ANKRD30BL: variants seen among roughly 807,000 people sequenced by gnomAD.
ANKRD30BL encodes the protein ankyrin repeat domain 30B like, also known as putative ankyrin repeat domain-containing protein 30B-like.
Under a neutral mutation model 18.4 loss-of-function variants are expected in ANKRD30BL, and 20 were observed. That is an observed-to-expected ratio of 1.09 (90% confidence interval 0.77 to 1.58). ANKRD30BL has a LOEUF of 1.58. ANKRD30BL is among the 40% of genes most tolerant of loss of function. The probability of loss-of-function intolerance (pLI) is 0.00; values close to 1 mark genes in which losing one functional copy is unlikely to be tolerated. For synonymous variants in ANKRD30BL, 72 were observed against 100.9 expected (o/e 0.71, Z 1.72); for missense variants, 224 against 268.6 (o/e 0.83, Z 1.16).
At chr2:132,159,496 T>C (rs1004513552) in intron 1 of ANKRD30BL, among the ~76,000 whole-genome samples, 1 of 152,156 alleles carries the variant, frequency 6.6e-6, no homozygotes, top group African/African-American at 2.4e-5. Flanking sequence ...TCTGTGTGCA[T>C]AGGTCACTTA....
At chr2:132,214,482 G>A (rs1193088616) in intron 1 of ANKRD30BL, among the ~76,000 whole-genome samples, 1 of 151,378 alleles carries the variant, frequency 6.6e-6, no homozygotes, top group African/African-American at 2.4e-5. Context: ...TGAGGTCTAT[G>A]GTCAAAAAGG....
upstream of ANKRD30BL, among the ~76,000 whole-genome samples, chr2:132,166,150 G>T (rs547039047): frequency 6.6e-6 from 1 of 152,162 alleles, no homozygotes; most frequent in South Asian, 2.1e-4. Context: ...AATCAGTCTT[G>T]CATACTTTCT....
chr2:132,233,311 A>G (rs1474708120), intron 1 of ANKRD30BL, among the ~76,000 whole-genome samples: 1 of 150,070 alleles, frequency 6.7e-6, no homozygotes, highest in Non-Finnish European at 1.5e-5. Context: ...CATCATAATG[A>G]CAGGATCAAA....
intron 1 of ANKRD30BL, among the ~76,000 whole-genome samples, chr2:132,178,968 T>C (rs953578819): frequency 2.0e-5 from 3 of 151,598 alleles, no homozygotes; most frequent in African/African-American, 7.3e-5. Context: ...AGGTAGGAAA[T>C]GTTGAAGATA....
rs545796637 is a variant in ANKRD30BL at position 132,252,952 on chromosome 2, G to A, written n.441+4577C>T. ...TGCCCTCTCTCTCTTCCTCACAGCCGGGAGCCCCCCTTCCCCACGCCACCC... is the reference window on the plus strand; with the variant it reads ...TGCCCTCTCTCTCTTCCTCACAGCCAGGAGCCCCCCTTCCCCACGCCACCC... On this transcript the variant is annotated intron_variant and non_coding_transcript_variant, in intron 1 of 4. Coordinates refer to the ANKRD30BL transcript ENST00000470729. Among the ~76,000 whole-genome samples, 635 of 152,012 alleles carry A rather than the reference G, an allele frequency of 4.2e-3. 3 individuals carry two copies. Among genetic ancestry groups the A allele is most frequent in the African/African-American group, 0.013 (555 of 41,490 alleles).
chr2:132,237,269 G>GAAC (rs1339054353), intron 1 of ANKRD30BL, among the ~76,000 whole-genome samples: 1 of 151,884 alleles, frequency 6.6e-6, no homozygotes, highest in Non-Finnish European at 1.5e-5. Flanking sequence ...AAAACTTAAA[G>GAAC]AATAATAATA....
At chr2:132,169,546 CT>C (rs200308064) in intron 1 of ANKRD30BL, among the ~76,000 whole-genome samples, 1,696 of 149,626 alleles carry the variant, frequency 0.011, 22 homozygotes, top group African/African-American at 0.038. Context: ...ATTCAGGAGG[CT>C]GAGGCAGGAG....
At chr2:132,166,202 T>C (rs1263408792), upstream of ANKRD30BL, among the ~76,000 whole-genome samples, 4 of 152,168 alleles carry the variant, frequency 2.6e-5, no homozygotes, top group Non-Finnish European at 4.4e-5. Context: ...TGTCTAGTAT[T>C]TTGTGAAGGA....
intron 1 of ANKRD30BL, among the ~76,000 whole-genome samples, chr2:132,179,419 C>T (rs1420696703): frequency 6.8e-6 from 1 of 147,646 alleles, no homozygotes; most frequent in African/African-American, 2.6e-5. Context: ...CTCCCAAGTA[C>T]CTGGGACTAC....
At chr2:132,172,646 A>G (rs1688301659) in intron 1 of ANKRD30BL, among the ~76,000 whole-genome samples, 1 of 151,690 alleles carries the variant, frequency 6.6e-6, no homozygotes, top group African/African-American at 2.4e-5. Flanking sequence ...CTGATGTCAT[A>G]TCACATATGT....
At chr2:132,236,195 G>T (rs1243016029) in intron 1 of ANKRD30BL, among the ~76,000 whole-genome samples, 2 of 151,956 alleles carry the variant, frequency 1.3e-5, no homozygotes, top group Non-Finnish European at 2.9e-5. Flanking sequence ...AATTCAAGAT[G>T]GATTAAAGAC....
chr2:132,191,992 C>A (rs1039576431), intron 1 of ANKRD30BL, among the ~76,000 whole-genome samples: 9 of 152,048 alleles, frequency 5.9e-5, no homozygotes, highest in African/African-American at 2.2e-4. Context: ...GATTCACCCA[C>A]CTTGGCCTTC....
intron 1 of ANKRD30BL, among the ~76,000 whole-genome samples, chr2:132,159,899 A>G (rs1011663416): frequency 6.6e-5 from 10 of 152,132 alleles, no homozygotes; most frequent in Non-Finnish European, 1.2e-4. Context: ...TTTAATCTAT[A>G]TTCCATCAGA....
At position 132,224,360 on chromosome 2, in the gene ANKRD30BL, T is replaced by C. The variant is rs573759328; in HGVS notation, n.441+33169A>G. ...AGAATCTTCTTTGTGATGTTCGCATTCCACTCACAGAGTTGAACATACCAT... is the reference window on the plus strand; with the variant it reads ...AGAATCTTCTTTGTGATGTTCGCATCCCACTCACAGAGTTGAACATACCAT... On this transcript the variant is annotated intron_variant and non_coding_transcript_variant, in intron 1 of 4. Transcript: ENST00000470729. 2.2e-4 allele frequency among the ~76,000 whole-genome samples: 33 copies of C among 152,224 alleles called. No homozygotes were observed. The East Asian group carries it at 6.2e-3, about 29-fold the overall frequency.
chr2:132,178,218 T>C (rs1484582073), intron 1 of ANKRD30BL, among the ~76,000 whole-genome samples: 1 of 152,160 alleles, frequency 6.6e-6, no homozygotes, highest in Admixed American at 6.6e-5. Flanking sequence ...GTTTTATCAG[T>C]GAAAAGAGAC....
At chr2:132,186,604 T>G (rs1339015709) in intron 1 of ANKRD30BL, among the ~76,000 whole-genome samples, 3 of 152,206 alleles carry the variant, frequency 2.0e-5, no homozygotes, top group African/African-American at 7.2e-5. Flanking sequence ...AATTAAAAAG[T>G]AGTCTAATTC....
At chr2:132,198,639 G>C (rs541742708) in intron 1 of ANKRD30BL, among the ~76,000 whole-genome samples, 10 of 130,632 alleles carry the variant, frequency 7.7e-5, no homozygotes, top group Admixed American at 6.4e-4. Context: ...TTTTTTTTTA[G>C]ACAGTTTTTG....
chr2:132,237,551 C>G (rs1573876606), intron 1 of ANKRD30BL, among the ~76,000 whole-genome samples: 1 of 152,048 alleles, frequency 6.6e-6, no homozygotes. Flanking sequence ...TGGAAACACT[C>G]TTTTTGTAGA....
intron 1 of ANKRD30BL, among the ~76,000 whole-genome samples, chr2:132,201,985 C>G (rs1428139423): frequency 6.6e-6 from 1 of 152,164 alleles, no homozygotes; most frequent in Non-Finnish European, 1.5e-5. Context: ...AGTTCATGTC[C>G]TTTGTAGGGA....
Sources: gnomAD v4.1 joint callset for allele counts (sites outside exome capture counted in the v4.1 genomes callset) on GRCh38, gnomAD v4.1.1 for gene constraint, MANE v1.5 for transcripts, NCBI Gene and HGNC (gene_info 2026-07-23, HGNC 2026-07-21) for gene names.